SZT2: variants seen among roughly 807,000 people sequenced by gnomAD.
SZT2 encodes the protein SZT2 subunit of KICSTOR complex.
A neutral mutation model predicts 404.2 loss-of-function variants in SZT2; 216 were observed. That is an observed-to-expected ratio of 0.53 (90% CI 0.48 to 0.60). The LOEUF (loss-of-function observed/expected upper bound fraction) is 0.60, where lower values mean the gene tolerates loss of function less well. Among genes scored for constraint, SZT2 ranks in the 20% least tolerant of loss-of-function variants. The pLI is 0.00. For synonymous variants in SZT2, 1,693 were observed against 1,749.9 expected (o/e 0.97, Z 0.81); for missense variants, 3,857 against 4,459.2 (o/e 0.86, Z 3.85).
chr1:43,401,168 G>T (rs1177880969), intron 1 of SZT2, among the ~76,000 whole-genome samples: 2 of 152,112 alleles, frequency 1.3e-5, no homozygotes, highest in African/African-American at 4.8e-5. Context: ...CAAACGGCCT[G>T]CCCACCTCAA....
chr1:43,439,737 T>A lies in SZT2; in HGVS notation c.7010T>A (p.Ile2337Asn), dbSNP rs767468624. The A allele has an allele frequency of 6.2e-6, 10 of 1,606,566 alleles. No homozygotes were observed. The highest frequency in any genetic ancestry group is 8.5e-6 in the Non-Finnish European group (10 of 1,175,556). ...GAATTTGAGCAACTGACCCAGGTCA[T>A]CCGCTGCCCGGTTGTTGTGGACAGT... Reference protein sequence around the residue: ...EEEFEQLTQVIRCPVVVDSSS... With the variant: ...EEEFEQLTQVNRCPVVVDSSS... Residue 2337 changes from isoleucine (I) to asparagine (N), a missense_variant, in exon 50 of 72, where the codon ATC becomes AAC. Ile to Asn is a moderately radical substitution (Grantham distance 149). Around this residue, in one of 7 missense-constraint regions of SZT2, gnomAD observed 573 missense variants for 592.4 expected, o/e 0.97. Transcript: ENST00000634258. The surrounding 1 kb of genome is among the most constrained non-coding windows in gnomAD (Gnocchi z 4.2).
intron 39 of SZT2, 45 bp from the exon 40 acceptor site, chr1:43,432,944 A>G: frequency 6.2e-7 from 1 of 1,608,444 alleles, no homozygotes; most frequent in Non-Finnish European, 8.5e-7. Context: ...CAGATGAGTC[A>G]GGCCCAGCTT....
intron 28 of SZT2, 136 bp downstream of exon 28, chr1:43,428,622 CT>C (rs1200976774): frequency 1.1e-5 from 14 of 1,249,656 alleles, no homozygotes; most frequent in Non-Finnish European, 1.5e-5. Flanking sequence ...TTGTCGCCGG[CT>C]CACGGACTCC....
Position 43,447,645 on chromosome 1 carries a change from C to A in SZT2, c.9387C>A (p.Ala3129=). 2 of 1,614,198 alleles carry A rather than the reference C, an allele frequency of 1.2e-6. No individual in the cohort carries two copies. Among genetic ancestry groups the A allele is most frequent in the Non-Finnish European group, 1.7e-6 (2 of 1,180,044 alleles). The change falls in exon 67 of 72, where the codon GCC becomes GCA. Residue 3129 remains alanine, a synonymous_variant. Transcript: ENST00000634258. ...SSYHMKPLRM[A]RPGGPEHNEY... ...ACCACATGAAGCCATTGCGAATGGC[C>A]CGGCCAGGGGGCCCAGAACACAACG...
rs749624507 is a variant in SZT2 at position 43,442,877 on chromosome 1, G to C, written c.8210G>C (p.Ser2737Thr). ...MEVETLIRSA[S>T]PPLSREQGRL... ...GTGGAGACCCTCATCCGGAGTGCAA[G>C]TCCCCCGCTGAGCCGTGAGCAGGGC... is the stretch of plus-strand genomic sequence containing the variant. The change falls in exon 59 of 72, where the codon AGT becomes ACT. Residue 2737 changes from serine to threonine, a missense_variant. This residue lies in a region of SZT2 where 573 missense variants were observed against 592.4 expected (regional missense o/e 0.97). Coordinates refer to ENST00000634258, the MANE Select transcript of SZT2 (RefSeq NM_001365999.1). This position sits in a 1 kb window ranked among gnomAD's most constrained non-coding sequence, Gnocchi z 4.5. 3 of 1,613,696 alleles carry C rather than the reference G, an allele frequency of 1.9e-6. No individual in the cohort carries two copies. Among genetic ancestry groups the C allele is most frequent in the Non-Finnish European group, 2.5e-6 (3 of 1,179,814 alleles).
chr1:43,451,414 A>G lies in SZT2; in HGVS notation c.*934A>G. On this transcript the variant is annotated 3_prime_UTR_variant, in exon 72 of 72. Transcript: ENST00000634258. ...TTCCCCAGGGCCACGCCTCACCTCG[A>G]GGCTGATACTCACAGCCCACGAAGC... 6.2e-7 allele frequency: 1 copy of G among 1,612,722 alleles called. No individual in the cohort carries two copies. Among genetic ancestry groups the G allele is most frequent in the Admixed American group, 1.7e-5 (1 of 60,038 alleles).
chr1:43,413,265 C>G (rs1054581896), intron 4 of SZT2, among the ~76,000 whole-genome samples: 1 of 152,178 alleles, frequency 6.6e-6, no homozygotes, highest in African/African-American at 2.4e-5. Flanking sequence ...TGCCTGTAAT[C>G]CCAGCTACTC....
intron 4 of SZT2, among the ~76,000 whole-genome samples, chr1:43,414,433 A>AT (rs906130198): frequency 5.3e-5 from 8 of 151,342 alleles, no homozygotes; most frequent in African/African-American, 9.7e-5. Context: ...TTAAAAAAAA[A>AT]TTTTTTTTTA....
intron 1 of SZT2, among the ~76,000 whole-genome samples, chr1:43,391,272 C>A (rs1648280273): frequency 6.6e-6 from 1 of 151,998 alleles, no homozygotes; most frequent in Non-Finnish European, 1.5e-5. Context: ...TGAGATCATG[C>A]CATTGCACTT....
intron 28 of SZT2, 175 bp from the exon 29 acceptor site, chr1:43,429,528 T>A: frequency 1.5e-6 from 1 of 686,354 alleles, no homozygotes; most frequent in Non-Finnish European, 2.4e-6. Context: ...AATATGGAGG[T>A]TAAAGCCAAA....
chr1:43,411,020 A>G (rs2153930874), intron 4 of SZT2, among the ~76,000 whole-genome samples: 1 of 152,268 alleles, frequency 6.6e-6, no homozygotes, highest in South Asian at 2.1e-4. Context: ...CCCCCAGTAC[A>G]GGGACTCTGG....
chr1:43,448,680 C>T lies in SZT2; in HGVS notation c.10038C>T (p.Pro3346=). 1 of 1,614,210 alleles carries T rather than the reference C, an allele frequency of 6.2e-7. No individual in the cohort carries two copies. The highest frequency in any genetic ancestry group is 1.3e-5 in the African/African-American group (1 of 75,046). Residue 3346 remains proline (P), a synonymous_variant, in exon 70 of 72, where the codon CCC becomes CCT. Transcript: ENST00000634258. The surrounding 1 kb of genome is among the most constrained non-coding windows in gnomAD (Gnocchi z 4.2). ...SLIKVLLSRF[P]QSCRHFQSPD... ...TCAAAGTTCTCCTAAGCCGCTTCCC[C>T]CAGAGCTGTCGCCATTTCCAAAGCC...
At position 43,425,377 on chromosome 1, in the gene SZT2, G is replaced by A; in HGVS notation, c.2646-97G>A. ...ACGCTGGTCTGGGAAGGCCTTGTAT[G>A]ACTCGTGGCTGTCCTCTGTGCCTGC... On this transcript the variant is annotated intron_variant, in intron 18 of 71. Coordinates refer to ENST00000634258, the MANE Select transcript of SZT2 (RefSeq NM_001365999.1). The surrounding 1 kb of genome is among the most constrained non-coding windows in gnomAD (Gnocchi z 4.3). The A allele has an allele frequency of 1.9e-6, 3 of 1,558,860 alleles. No homozygotes were observed. The highest frequency in any genetic ancestry group is 2.6e-6 in the Non-Finnish European group (3 of 1,143,166).
At chr1:43,410,296 T>C (rs1650851295) in intron 4 of SZT2, 1 of 152,118 alleles carries the variant, frequency 6.6e-6, no homozygotes, top group Admixed American at 6.6e-5. Context: ...CTCACACCTG[T>C]AATCCCAACA....
chr1:43,398,173 C>T (rs1211025734), intron 1 of SZT2, among the ~76,000 whole-genome samples: 2 of 152,144 alleles, frequency 1.3e-5, no homozygotes, highest in African/African-American at 4.8e-5. Context: ...GTAGTGTTGA[C>T]ACTAGTGTTA....
In SZT2 at chr1:43,426,838, T is replaced by G; in HGVS notation, c.3309+29T>G. On this transcript the variant is annotated intron_variant, in intron 23 of 71. Coordinates refer to ENST00000634258, the MANE Select transcript of SZT2 (RefSeq NM_001365999.1). The surrounding 1 kb of genome is among the most constrained non-coding windows in gnomAD (Gnocchi z 4.9). ...AGCACCGATTCTTCTCCCTGAGCCCTTGTCACACTGACCTCCTTCCAGCAC... is the reference window on the plus strand; with the variant it reads ...AGCACCGATTCTTCTCCCTGAGCCCGTGTCACACTGACCTCCTTCCAGCAC... The G allele has an allele frequency of 6.2e-7, 1 of 1,606,448 alleles. No homozygotes were observed. The highest frequency in any genetic ancestry group is 8.5e-7 in the Non-Finnish European group (1 of 1,174,210).
At chr1:43,394,167 G>C in intron 1 of SZT2, 1 of 751,174 alleles carries the variant, frequency 1.3e-6, no homozygotes, top group Non-Finnish European at 1.6e-6. Flanking sequence ...GAATCACTTG[G>C]AGACCTTGTT....
chr1:43,432,760 C>G lies in SZT2; in HGVS notation c.5563C>G (p.Leu1855Val). 1 of 1,613,946 alleles carries G rather than the reference C, an allele frequency of 6.2e-7. No homozygotes were observed. Among genetic ancestry groups the G allele is most frequent in the Non-Finnish European group, 8.5e-7 (1 of 1,179,946 alleles). The change falls in exon 39 of 72, where the codon CTC becomes GTC. Residue 1855 changes from leucine (L) to valine (V), a missense_variant. By Grantham distance (32) the Leu-to-Val change is conservative (BLOSUM62 1). Transcript: ENST00000634258. ...SQPGPSRGLS[L>V]MSSQGSVDSD... ...GCCTGGGCCCAGCCGGGGATTAAGT[C>G]TCATGTCCAGTCAGGGCAGTGTGGA... is the stretch of plus-strand genomic sequence containing the variant.
Position 43,451,894 on chromosome 1 carries a change from A to G in SZT2, c.*1414A>G. The G allele has an allele frequency of 1.2e-6, 2 of 1,613,804 alleles. No homozygotes were observed. The highest frequency in any genetic ancestry group is 1.7e-6 in the Non-Finnish European group (2 of 1,179,762). The stretch of plus-strand genomic sequence containing the variant: ...GGACCGTGAGCCTCAAGAGCACAGG[A>G]ATCAAAAGGGACAGAAGGAGAGACA... On this transcript the variant is annotated 3_prime_UTR_variant, in exon 72 of 72. Transcript: ENST00000634258.
Sources: allele counts gnomAD v4.1 joint callset (sites outside exome capture counted in the v4.1 genomes callset), GRCh38; gene constraint gnomAD v4.1.1; regional missense constraint gnomAD v4.1.1; non-coding constraint Gnocchi (gnomAD v3.1); transcripts MANE v1.5; gene names NCBI Gene and HGNC (gene_info 2026-07-23, HGNC 2026-07-21).